Variants in ZFP64 observed in about 807,000 individuals in gnomAD.
ZFP64 encodes zinc finger protein 64.
Under a neutral mutation model 51.6 loss-of-function variants are expected in ZFP64, and 14 were observed. The observed-to-expected ratio is 0.27, with a 90% confidence interval of 0.18 to 0.42. ZFP64 has a LOEUF of 0.42. Among genes scored for constraint, ZFP64 ranks in the 10% least tolerant of loss-of-function variants. The pLI is 1.00. For missense variants in ZFP64, 754 were observed against 906.8 expected (o/e 0.83, Z 2.16); for synonymous variants, 375 against 361.4 (o/e 1.04, Z -0.43).
In ZFP64 at chr20:52,134,642, C is replaced by G. The variant is rs549124250; in HGVS notation, c.763+25481G>C. Among the ~76,000 whole-genome samples, 15 of 152,188 alleles carry G rather than the reference C, an allele frequency of 9.9e-5. No homozygotes were observed. In the South Asian group the frequency reaches 1.7e-3, roughly 17 times the overall value. Reference sequence around the variant, plus strand: ...CGATAGGAAACACAGTGACTTGGAACGTTCCAGGAAGGGGTTTCATATGTT... The same window carrying G: ...CGATAGGAAACACAGTGACTTGGAAGGTTCCAGGAAGGGGTTTCATATGTT... On this transcript the variant is annotated intron_variant, in intron 5 of 8. Transcript: ENST00000361387.
rs749426584 is a variant in ZFP64 at position 52,152,705 on chromosome 20, C to T, written c.1487G>A (p.Arg496Lys). Reference protein sequence around the residue: ...PSQVPQFSEGRVKIIVGHQVP... With the variant: ...PSQVPQFSEGKVKIIVGHQVP... ...CTGATGCCCAACGATGATTTTGACT[C>T]TTCCCTCGCTGAACTGGGGCACTTG... The change falls in exon 6 of 6, where the codon AGA becomes AAA. Residue 496 changes from arginine (R) to lysine (K), a missense_variant. Around this residue, in one of 3 missense-constraint regions of ZFP64, gnomAD observed 428 missense variants for 472.4 expected, o/e 0.91. Coordinates refer to ENST00000216923, the MANE Select transcript of ZFP64 (RefSeq NM_018197.3). 5.8e-6 allele frequency: 9 copies of T among 1,555,924 alleles called. No homozygotes were observed. Among genetic ancestry groups the T allele is most frequent in the Middle Eastern group, 1.7e-4 (1 of 5,770 alleles).
At chr20:52,096,366 C>A (rs1195017937) in intron 7 of ZFP64, among the ~76,000 whole-genome samples, 2 of 152,246 alleles carry the variant, frequency 1.3e-5, no homozygotes, top group African/African-American at 4.8e-5. Context: ...AGAACTACAG[C>A]AGCTGCCTCA....
At chr20:52,163,481 C>T (rs959822366) in intron 4 of ZFP64, among the ~76,000 whole-genome samples, 34 of 152,182 alleles carry the variant, frequency 2.2e-4, no homozygotes, top group African/African-American at 8.0e-4. Context: ...AGTTTAATTG[C>T]TTATTACACT....
At chr20:52,097,820 C>T (rs997135204) in intron 6 of ZFP64, among the ~76,000 whole-genome samples, 13 of 152,162 alleles carry the variant, frequency 8.5e-5, no homozygotes, top group South Asian at 4.2e-4. Flanking sequence ...CTGCCATCCC[C>T]GAGCTTGGGA....
chr20:52,189,912 A>G (rs1164277912), intron 1 of ZFP64, among the ~76,000 whole-genome samples: 1 of 152,194 alleles, frequency 6.6e-6, no homozygotes, highest in Non-Finnish European at 1.5e-5. Context: ...TATTTACATA[A>G]TTTCCAATTT....
At chr20:52,180,252 C>T (rs1018448610) in intron 2 of ZFP64, among the ~76,000 whole-genome samples, 1 of 152,216 alleles carries the variant, frequency 6.6e-6, no homozygotes, top group Non-Finnish European at 1.5e-5. Context: ...GCCACAGGCC[C>T]TCTCCCTCTC....
chr20:52,184,684 T>C (rs756666568), intron 2 of ZFP64, among the ~76,000 whole-genome samples: 6 of 152,174 alleles, frequency 3.9e-5, no homozygotes, highest in Non-Finnish European at 8.8e-5. Flanking sequence ...TGGAGTGCAG[T>C]GGTACGATCA....
intron 5 of ZFP64, among the ~76,000 whole-genome samples, chr20:52,138,374 C>CACAT (rs1479957898): frequency 6.6e-6 from 1 of 151,766 alleles, no homozygotes; most frequent in African/African-American, 2.4e-5. Context: ...ATATATATTA[C>CACAT]TGTAATAAAT....
chr20:52,123,995 G>A (rs1041928738), intron 5 of ZFP64, among the ~76,000 whole-genome samples: 3 of 151,714 alleles, frequency 2.0e-5, no homozygotes, highest in African/African-American at 4.8e-5. Context: ...TCAGCCTCCC[G>A]ACTAGCTGGG....
chr20:52,152,387 G>A lies in ZFP64; in HGVS notation c.1805C>T (p.Thr602Ile). 1 of 1,614,242 alleles carries A rather than the reference G, an allele frequency of 6.2e-7. No homozygotes were observed. Among genetic ancestry groups the A allele is most frequent in the Non-Finnish European group, 8.5e-7 (1 of 1,180,040 alleles). The change falls in exon 6 of 6, where the codon ACT (threonine) becomes ATT (isoleucine). Residue 602 changes from threonine (T) to isoleucine (I), a missense_variant. Coordinates refer to ENST00000216923, the MANE Select transcript of ZFP64 (RefSeq NM_018197.3). ...AGTAATACCCGAACTGGTAATGAAA[G>A]TTTGATTGCCAGAGCCTTCCTGGGG... The part of the protein sequence containing the change: ...GGPQEGSGNQ[T>I]FITSSGITCT...
rs1458557217 is a variant in ZFP64 at position 52,119,531 on chromosome 20, A to ATATATATAT, written c.764-20945_764-20944insATATATATA. 2.5e-3 allele frequency among the ~76,000 whole-genome samples: 163 copies of ATATATATAT among 65,110 alleles called. 1 individual carries two copies. Among genetic ancestry groups the ATATATATAT allele is most frequent in the African/African-American group, 9.3e-3 (158 of 16,928 alleles). The allele number at this position is 65,110 out of a possible 152,430, so 42.7% of individuals were successfully genotyped here. On this transcript the variant is annotated intron_variant, in intron 5 of 8. Coordinates refer to the ZFP64 transcript ENST00000361387. The stretch of plus-strand genomic sequence containing the variant: ...AGTGAGACTTCATCTAAAAAAAAAA[A>ATATATATAT]AAATATATATATATATATATATACA...
At position 52,085,723 on chromosome 20, in the gene ZFP64, A is replaced by T. The variant is rs544768076; in HGVS notation, c.1229-457T>A. On this transcript the variant is annotated intron_variant, in intron 8 of 8. Transcript: ENST00000361387. The surrounding 1 kb of genome is among the most constrained non-coding windows in gnomAD (Gnocchi z 4.3). ...TACTATAGTGTTTAATCTATATGAC[A>T]TCAGTTATTGAGCTTGTATTTCAAG... Among the ~76,000 whole-genome samples, 8 of 152,314 alleles carry T rather than the reference A, an allele frequency of 5.3e-5. No homozygotes were observed. The South Asian group carries it at 1.7e-3, about 32-fold the overall frequency.
intron 5 of ZFP64, among the ~76,000 whole-genome samples, chr20:52,114,737 T>C (rs555558284): frequency 6.6e-6 from 1 of 152,334 alleles, no homozygotes; most frequent in South Asian, 2.1e-4. Flanking sequence ...TCAATTCTGC[T>C]TTCCATCTTT....
chr20:52,104,079 T>C (rs2122783697), intron 5 of ZFP64, among the ~76,000 whole-genome samples: 2 of 152,294 alleles, frequency 1.3e-5, no homozygotes, highest in Middle Eastern at 3.4e-3. Flanking sequence ...TACAACTCCT[T>C]TCCTCAGCCC....
At chr20:52,166,404 T>C (rs921071549) in intron 2 of ZFP64, among the ~76,000 whole-genome samples, 17 of 152,050 alleles carry the variant, frequency 1.1e-4, no homozygotes, top group African/African-American at 4.1e-4. Context: ...AGGGTAAACA[T>C]GGAAATCAGA....
At chr20:52,178,128 G>A (rs1372015874) in intron 2 of ZFP64, among the ~76,000 whole-genome samples, 4 of 152,044 alleles carry the variant, frequency 2.6e-5, no homozygotes, top group Admixed American at 6.6e-5. Context: ...CAGATTCCCC[G>A]GACCTTGCTC....
intron 5 of ZFP64, among the ~76,000 whole-genome samples, chr20:52,126,149 C>T (rs139218250): frequency 0.2 from 30,602 of 152,146 alleles, 3,352 homozygotes; most frequent in Admixed American, 0.26. Context: ...GCGCCTGCCT[C>T]GGCCTCCCAA....
chr20:52,190,527 C>T (rs73914241), intron 1 of ZFP64, among the ~76,000 whole-genome samples: 27,988 of 151,838 alleles, frequency 0.18, 3,198 homozygotes, highest in African/African-American at 0.32. Flanking sequence ...GGATGGTGCT[C>T]GTACCAGCAC....
At chr20:52,116,358 A>G (rs1431204040) in intron 5 of ZFP64, among the ~76,000 whole-genome samples, 1 of 149,922 alleles carries the variant, frequency 6.7e-6, no homozygotes, top group African/African-American at 2.5e-5. Context: ...CTGGTCTCGA[A>G]CTCCTGACCT....
Sources: gnomAD v4.1 joint callset for allele counts (sites outside exome capture counted in the v4.1 genomes callset) on GRCh38, gnomAD v4.1.1 for gene constraint, gnomAD v4.1.1 regional missense constraint, Gnocchi (gnomAD v3.1) non-coding constraint, MANE v1.5 for transcripts, NCBI Gene and HGNC (gene_info 2026-07-23, HGNC 2026-07-21) for gene names.